NLGN4X: variants seen among roughly 807,000 people sequenced by gnomAD.
NLGN4X encodes the protein neuroligin-4, X-linked.
Under a neutral mutation model 40.3 loss-of-function variants are expected in NLGN4X, and 3 were observed. The ratio of observed to expected loss-of-function variants is 0.07; its 90% confidence interval spans 0.03 to 0.19. The LOEUF (loss-of-function observed/expected upper bound fraction) is 0.19. Ranked by LOEUF, NLGN4X falls within the 10% of genes least tolerant of loss-of-function variation. The probability of loss-of-function intolerance (pLI) is 1.00; values close to 1 mark genes in which losing one functional copy is unlikely to be tolerated. For missense variants in NLGN4X, 382 were observed against 708.3 expected (o/e 0.54, Z 5.23); for synonymous variants, 270 against 306.8 (o/e 0.88, Z 1.25).
intron 3 of NLGN4X, among the ~76,000 whole-genome samples, chrX:6,013,402 TAAA>T (rs71977874): frequency 1.0e-5 from 1 of 96,311 alleles, no homozygotes; most frequent in African/African-American, 3.8e-5. Context: ...TCACTCAAAC[TAAA>T]AAAAAAAAAA....
Position 6,096,102 on chromosome X carries a change from A to C in NLGN4X, c.472+54893T>G, listed in dbSNP as rs772991349. ...AGAACTGCGTTACAATATCTGCCTT[A>C]TGAAGAAGTTATGTTTCAGAGCCAA... On this transcript the variant is annotated intron_variant, in intron 2 of 5. Transcript: ENST00000381095. 4.5e-5 allele frequency among the ~76,000 whole-genome samples: 5 copies of C among 112,081 alleles called. No homozygotes were observed. In the East Asian group the frequency reaches 1.4e-3, roughly 31 times the overall value.
At chrX:5,933,353 T>C (rs774174488) in intron 3 of NLGN4X, among the ~76,000 whole-genome samples, 2 of 110,635 alleles carry the variant, frequency 1.8e-5, no homozygotes, top group African/African-American at 3.4e-5. Context: ...ACTTAAATTC[T>C]TGGAAATATC....
intron 1 of NLGN4X, among the ~76,000 whole-genome samples, chrX:6,155,909 G>A (rs999295422): frequency 2.7e-5 from 3 of 112,290 alleles, no homozygotes; most frequent in Non-Finnish European, 3.7e-5. Flanking sequence ...TGCTGTTGCG[G>A]CTGCAGAGAA....
Position 6,067,882 on chromosome X carries a change from T to C in NLGN4X, c.473-38450A>G, listed in dbSNP as rs58732060. Reference sequence around the variant, plus strand: ...AATGCTAAGGAGAAAAGAAGCTGTCTCTCAACTCCATTTAGGAGGACAGAA... The same window carrying C: ...AATGCTAAGGAGAAAAGAAGCTGTCCCTCAACTCCATTTAGGAGGACAGAA... On this transcript the variant is annotated intron_variant, in intron 2 of 5. Coordinates refer to ENST00000381095, the MANE Select transcript of NLGN4X (RefSeq NM_181332.3). Among the ~76,000 whole-genome samples the C allele has an allele frequency of 6.0e-3, 674 of 111,444 alleles. 3 individuals are homozygous for C. Among genetic ancestry groups the C allele is most frequent in the African/African-American group, 0.021 (645 of 30,670 alleles).
At chrX:6,227,514 C>T (rs1409481536) in intron 1 of NLGN4X, among the ~76,000 whole-genome samples, 1 of 109,762 alleles carries the variant, frequency 9.1e-6, no homozygotes, top group African/African-American at 3.3e-5. Context: ...CAAGCCCCCC[C>T]GCGCCCCCCT....
At chrX:6,167,092 G>T (rs1054601377) in intron 1 of NLGN4X, among the ~76,000 whole-genome samples, 21 of 82,620 alleles carry the variant, frequency 2.5e-4, no homozygotes, top group Admixed American at 1.3e-3. Context: ...AAAAAAAAAA[G>T]AAAGAATAAA....
In NLGN4X at chrX:6,222,516, G is replaced by T. The variant is rs190469449; in HGVS notation, c.-306+6025C>A. On this transcript the variant is annotated intron_variant, in intron 1 of 5. Transcript: ENST00000381095. ...ATTTCCAGAGAGCAGTGAAAGCCTA[G>T]ATCGTTTCATTAGCACTATACTGAA... Among the ~76,000 whole-genome samples the T allele has an allele frequency of 2.6e-3, 290 of 112,378 alleles. 1 individual carries two copies. Among genetic ancestry groups the T allele is most frequent in the African/African-American group, 8.9e-3 (277 of 31,003 alleles).
At position 5,947,959 on chromosome X, in the gene NLGN4X, A is replaced by G. The variant is rs145622459; in HGVS notation, c.626-38720T>C. ...GGAAATATGTGTATTTAAGTAGGAA[A>G]TGATATAAATATATACGGAACCTAA... On this transcript the variant is annotated intron_variant, in intron 3 of 5. Coordinates refer to ENST00000381095, the MANE Select transcript of NLGN4X (RefSeq NM_181332.3). Among the ~76,000 whole-genome samples, 39 of 112,287 alleles carry G rather than the reference A, an allele frequency of 3.5e-4. No homozygotes were observed. In the East Asian group the frequency reaches 0.01, roughly 30 times the overall value.
intron 2 of NLGN4X, among the ~76,000 whole-genome samples, chrX:6,077,286 GTGTGTGTGTC>G (rs1569224175): frequency 2.9e-5 from 3 of 102,277 alleles, no homozygotes; most frequent in Non-Finnish European, 6.1e-5. Context: ...GTGTGTGTGT[GTGTGTGTGTC>G]TGTGTGTGTG....
In NLGN4X at chrX:5,892,659, G is replaced by C; in HGVS notation, c.*158C>G. On this transcript the variant is annotated 3_prime_UTR_variant, in exon 6 of 6. Coordinates refer to ENST00000381095, the MANE Select transcript of NLGN4X (RefSeq NM_181332.3). ...CAACGATAAGGGTCTGCCGGGATGG[G>C]ATGACTGCCTTTTTGCATTTTTGTC... The C allele has an allele frequency of 1.4e-6, 1 of 700,475 alleles. No homozygotes were observed. Among genetic ancestry groups the C allele is most frequent in the Non-Finnish European group, 2.1e-6 (1 of 468,450 alleles). The allele number at this position is 700,475 out of a possible 1,213,427, so 57.7% of individuals were successfully genotyped here. A position where few individuals can be genotyped will look rare whatever the true frequency, so the allele number is the denominator to read the frequency against.
At position 5,903,755 on chromosome X, in the gene NLGN4X, A is replaced by G; in HGVS notation, c.923T>C (p.Met308Thr). 2 of 1,211,726 alleles carry G rather than the reference A, an allele frequency of 1.7e-6. No homozygotes were observed. Among genetic ancestry groups the G allele is most frequent in the Non-Finnish European group, 2.2e-6 (2 of 895,568 alleles). ...TTCTACCATGTCCGTGGTGTCCAGC[A>G]TGTTGCAGCCGACCTTGTCTGCCAA... The part of the protein sequence containing the change: ...RILADKVGCN[M>T]LDTTDMVECL... The change falls in exon 5 of 6, where the codon ATG becomes ACG. Residue 308 changes from methionine to threonine, a missense_variant. Coordinates refer to ENST00000381095, the MANE Select transcript of NLGN4X (RefSeq NM_181332.3).
Position 6,053,397 on chromosome X carries a change from A to C in NLGN4X, c.473-23965T>G, listed in dbSNP as rs1602140224. Among the ~76,000 whole-genome samples the C allele has an allele frequency of 2.7e-5, 3 of 110,990 alleles. No individual in the cohort carries two copies. The Admixed American group carries it at 2.9e-4, about 11-fold the overall frequency. On this transcript the variant is annotated intron_variant, in intron 2 of 5. Transcript: ENST00000381095. The stretch of plus-strand genomic sequence containing the variant: ...GTTTCTCCACTTGTTCATGCAGCAG[A>C]CTGGAACTCCACGAGCATGCTGGCT...
intron 3 of NLGN4X, among the ~76,000 whole-genome samples, chrX:5,997,566 ATGTG>A (rs34152567): frequency 1.3e-3 from 68 of 53,980 alleles, no homozygotes; most frequent in East Asian, 7.2e-3. Context: ...ATAAAATTAC[ATGTG>A]TGTGTGTGTG....
intron 2 of NLGN4X, among the ~76,000 whole-genome samples, chrX:6,038,928 G>A (rs760995068): frequency 1.4e-4 from 15 of 110,698 alleles, no homozygotes; most frequent in Non-Finnish European, 2.5e-4. Context: ...ATCATCAGCA[G>A]AGTCATACTT....
At chrX:6,125,313 A>G (rs555684393) in intron 2 of NLGN4X, among the ~76,000 whole-genome samples, 57 of 112,255 alleles carry the variant, frequency 5.1e-4, no homozygotes, top group African/African-American at 1.6e-3. Context: ...CGAAACAGAG[A>G]AAAAACAGTT....
intron 2 of NLGN4X, among the ~76,000 whole-genome samples, chrX:6,031,220 C>T (rs946584717): frequency 1.3e-4 from 14 of 112,000 alleles, no homozygotes; most frequent in Non-Finnish European, 2.3e-4. Context: ...GAAGGCCAAA[C>T]AGGATACAAA....
At chrX:6,152,466 T>A (rs2040186018) in intron 1 of NLGN4X, among the ~76,000 whole-genome samples, 1 of 112,251 alleles carries the variant, frequency 8.9e-6, no homozygotes, top group Non-Finnish European at 1.9e-5. Flanking sequence ...AAGGAAATTG[T>A]CACATTTTCC....
chrX:5,903,456 C>T lies in NLGN4X; in HGVS notation c.1222G>A (p.Gly408Ser), dbSNP rs757864836. 3.1e-5 allele frequency: 37 copies of T among 1,204,802 alleles called. No individual in the cohort carries two copies. The highest frequency in any genetic ancestry group is 3.5e-5 in the Non-Finnish European group (31 of 892,143). ...AAAGTGTCTTTCCCTTCAGGGTAGC[C>T]GTAAAGGTTGTCCACGAAGTTGGAC... The part of the protein sequence containing the change: ...SVSNFVDNLY[G>S]YPEGKDTLRE... Residue 408 changes from glycine to serine, a missense_variant, in exon 5 of 6, where the codon GGC (glycine) becomes AGC (serine). Around this residue, in one of 5 missense-constraint regions of NLGN4X, gnomAD observed 149 missense variants for 375.8 expected, o/e 0.40. Transcript: ENST00000381095.
At chrX:6,029,672 A>C (rs1450528863) in intron 2 of NLGN4X, among the ~76,000 whole-genome samples, 2 of 91,961 alleles carry the variant, frequency 2.2e-5, no homozygotes, top group African/African-American at 6.9e-5. Context: ...TACTCTGCTC[A>C]TCTAAGCTTC....
Sources: gnomAD v4.1 joint callset for allele counts (sites outside exome capture counted in the v4.1 genomes callset) on GRCh38, gnomAD v4.1.1 for gene constraint, gnomAD v4.1.1 regional missense constraint, MANE v1.5 for transcripts, NCBI Gene and HGNC (gene_info 2026-07-23, HGNC 2026-07-21) for gene names.